Variants in LHFPL3 observed in about 807,000 individuals in gnomAD.
LHFPL3 encodes the protein LHFPL tetraspan subfamily member 3 protein.
A neutral mutation model predicts 19.3 loss-of-function variants in LHFPL3; 5 were observed. The ratio of observed to expected loss-of-function variants is 0.26; its 90% CI spans 0.14 to 0.54. The LOEUF is 0.54. LHFPL3 is among the 20% of genes least tolerant of loss of function. LHFPL3 has a pLI of 0.94. For missense variants in LHFPL3, 249 were observed against 307.4 expected (o/e 0.81, Z 1.42); for synonymous variants, 133 against 126.2 (o/e 1.05, Z -0.36).
At chr7:104,672,422 C>T (rs1369345796) in intron 1 of LHFPL3, among the ~76,000 whole-genome samples, 2 of 152,042 alleles carry the variant, frequency 1.3e-5, no homozygotes, top group African/African-American at 2.4e-5. Flanking sequence ...CTCAGTTCCT[C>T]GCACAGTGAA....
intron 2 of LHFPL3, among the ~76,000 whole-genome samples, chr7:104,841,322 T>C (rs1325641639): frequency 1.3e-5 from 2 of 152,182 alleles, no homozygotes; most frequent in African/African-American, 4.8e-5. Context: ...AGAACCTTCC[T>C]CAGTGGCCTG....
chr7:104,359,890 A>C (rs1463177371), intron 1 of LHFPL3, among the ~76,000 whole-genome samples: 1 of 152,276 alleles, frequency 6.6e-6, no homozygotes, highest in African/African-American at 2.4e-5. Flanking sequence ...TGGATGTATA[A>C]GATGTGCTAA....
intron 2 of LHFPL3, among the ~76,000 whole-genome samples, chr7:104,875,912 C>T (rs1015277696): frequency 6.6e-6 from 1 of 152,204 alleles, no homozygotes; most frequent in African/African-American, 2.4e-5. Flanking sequence ...CTCCCACGCA[C>T]CAGACTATCA....
intron 1 of LHFPL3, chr7:104,668,634 G>A: frequency 1.9e-6 from 3 of 1,612,016 alleles, no homozygotes; most frequent in Non-Finnish European, 1.7e-6. Flanking sequence ...CTGCTATGAA[G>A]ACCAATATGA....
At chr7:104,541,135 C>CAT (rs1382010818) in intron 1 of LHFPL3, among the ~76,000 whole-genome samples, 1 of 151,568 alleles carries the variant, frequency 6.6e-6, no homozygotes, top group African/African-American at 2.4e-5. Flanking sequence ...CACACACACA[C>CAT]ACACACACAC....
intron 1 of LHFPL3, among the ~76,000 whole-genome samples, chr7:104,384,450 G>A (rs759244211): frequency 2.7e-4 from 41 of 152,054 alleles, no homozygotes; most frequent in Non-Finnish European, 5.0e-4. Flanking sequence ...CTATCTGTAA[G>A]TTTGCTATGA....
intron 1 of LHFPL3, among the ~76,000 whole-genome samples, chr7:104,719,976 G>A (rs1793456698): frequency 6.6e-6 from 1 of 152,250 alleles, no homozygotes; most frequent in Non-Finnish European, 1.5e-5. Flanking sequence ...TTCCGAACCT[G>A]ACCTCCAAAC....
chr7:104,673,412 TATC>T (rs1341175097), intron 1 of LHFPL3, among the ~76,000 whole-genome samples: 4 of 152,264 alleles, frequency 2.6e-5, no homozygotes, highest in Admixed American at 1.3e-4. Context: ...TATCTAATCT[TATC>T]ATTATAATGG....
chr7:104,622,318 G>A (rs1313927384), intron 1 of LHFPL3, among the ~76,000 whole-genome samples: 1 of 152,090 alleles, frequency 6.6e-6, no homozygotes, highest in Non-Finnish European at 1.5e-5. Context: ...TTGCCATGTG[G>A]CCCAGGCTTG....
chr7:104,738,822 C>T lies in LHFPL3; in HGVS notation c.682+1911C>T, dbSNP rs1341953977. 2.0e-5 allele frequency: 3 copies of T among 152,072 alleles called. No homozygotes were observed. The East Asian group carries it at 5.8e-4, about 29-fold the overall frequency. The allele number at this position is 152,072 out of a possible 1,614,324, so 9.4% of individuals were successfully genotyped here. On this transcript the variant is annotated intron_variant, in intron 2 of 2. Transcript: ENST00000424859. Reference sequence around the variant, plus strand: ...CTTCATTAAACAAAGCATCGTGTTCCGTCAGTGATATATTAAACCACCTTG... The same window carrying T: ...CTTCATTAAACAAAGCATCGTGTTCTGTCAGTGATATATTAAACCACCTTG...
chr7:104,518,661 G>T (rs1793971303), intron 1 of LHFPL3, among the ~76,000 whole-genome samples: 1 of 152,186 alleles, frequency 6.6e-6, no homozygotes, highest in South Asian at 2.1e-4. Context: ...GCAGGCACCT[G>T]CAATCTCAGC....
chr7:104,725,184 T>C (rs1043212022), intron 1 of LHFPL3, among the ~76,000 whole-genome samples: 9 of 152,212 alleles, frequency 5.9e-5, no homozygotes, highest in African/African-American at 2.2e-4. Flanking sequence ...ACCTCTGTTT[T>C]TTTTTATCCC....
At chr7:104,650,527 T>G (rs1462694942) in intron 1 of LHFPL3, among the ~76,000 whole-genome samples, 2 of 152,272 alleles carry the variant, frequency 1.3e-5, no homozygotes, top group Non-Finnish European at 2.9e-5. Context: ...TAAGCTAACA[T>G]GGACAATGCA....
At chr7:104,595,447 G>A (rs1234372076) in intron 1 of LHFPL3, among the ~76,000 whole-genome samples, 1 of 152,196 alleles carries the variant, frequency 6.6e-6, no homozygotes, top group African/African-American at 2.4e-5. Context: ...GTCCCAGAGA[G>A]GCAGCTGCCT....
At chr7:104,653,333 G>A (rs948182077) in intron 1 of LHFPL3, among the ~76,000 whole-genome samples, 4 of 152,146 alleles carry the variant, frequency 2.6e-5, no homozygotes, top group East Asian at 3.9e-4. Flanking sequence ...GGAAACATCC[G>A]GGAGAGAAGA....
In LHFPL3 at chr7:104,496,096, T is replaced by G. The variant is rs544020783; in HGVS notation, c.445+166872T>G. On this transcript the variant is annotated intron_variant, in intron 1 of 2. Transcript: ENST00000424859. ...AACTCGTCATTTAGCATTAGTTATATCTCCTAATGCTATCCCTCCTCCTTC... is the reference window on the plus strand; with the variant it reads ...AACTCGTCATTTAGCATTAGTTATAGCTCCTAATGCTATCCCTCCTCCTTC... Among the ~76,000 whole-genome samples, 3 of 152,282 alleles carry G rather than the reference T, an allele frequency of 2.0e-5. No individual in the cohort carries two copies. The South Asian group carries it at 6.2e-4, about 32-fold the overall frequency.
At chr7:104,604,360 A>G (rs1405775699) in intron 1 of LHFPL3, among the ~76,000 whole-genome samples, 1 of 152,140 alleles carries the variant, frequency 6.6e-6, no homozygotes, top group Non-Finnish European at 1.5e-5. Flanking sequence ...CCTGTCCCCC[A>G]AAACTATTCT....
chr7:104,494,574 C>G (rs1355231986), intron 1 of LHFPL3, among the ~76,000 whole-genome samples: 1 of 152,170 alleles, frequency 6.6e-6, no homozygotes, highest in Non-Finnish European at 1.5e-5. Context: ...CCCAAAACGT[C>G]AGCACTCTGT....
intron 1 of LHFPL3, among the ~76,000 whole-genome samples, chr7:104,670,617 C>T (rs1792458825): frequency 1.3e-5 from 2 of 152,088 alleles, no homozygotes; most frequent in African/African-American, 4.8e-5. Flanking sequence ...TCAAGCAAAT[C>T]GGTTTCTTGA....
Sources: gnomAD v4.1 joint callset for allele counts (sites outside exome capture counted in the v4.1 genomes callset) on GRCh38, gnomAD v4.1.1 for gene constraint, MANE v1.5 for transcripts, NCBI Gene and HGNC (gene_info 2026-07-23, HGNC 2026-07-21) for gene names.